LPP: variants seen among roughly 807,000 people sequenced by gnomAD.
LPP encodes the protein LIM domain containing preferred translocation partner in lipoma, also known as lipoma-preferred partner.
LPP carries 38 observed loss-of-function variants against 60.4 expected under a neutral mutation model. The observed-to-expected ratio is 0.63, with a 90% CI of 0.49 to 0.83. The LOEUF is 0.83. Among genes scored for constraint, LPP ranks in the 40% least tolerant of loss-of-function variants. The pLI is 0.00. For synonymous variants in LPP, 328 were observed against 290.8 expected, an observed-to-expected ratio of 1.13 and a Z score of -1.30; for missense variants, 902 against 783.6, an observed-to-expected ratio of 1.15 and a Z score of -1.80.
rs759757710 is a variant in LPP, at chr3:188,406,093, T to C, written c.-9-19T>C. 1.3e-6 allele frequency: 2 copies of C among 1,594,940 alleles called. No individual in the cohort carries two copies. Among genetic ancestry groups the C allele is most frequent in the Admixed American group, 3.5e-5 (2 of 57,514 alleles). ...CGTTTTCATGCTTCCATAAAAACAG[T>C]GTTTCTTTTTCATTGCAGATTCCAA... On this transcript the variant is annotated intron_variant, in intron 3 of 11. Transcript: ENST00000617246.
Position 188,393,550 on chromosome 3 carries a change from C to T in LPP, c.-9-12562C>T, listed in dbSNP as rs556767788. ...TTCAGTAGGTGATTATATGAGTTAT[C>T]GTCAAAACTGGGACACTTTTGCAAA... is the stretch of plus-strand genomic sequence containing the variant. On this transcript the variant is annotated intron_variant, in intron 3 of 11. Coordinates refer to ENST00000617246, the MANE Select transcript of LPP (RefSeq NM_001375462.1). Among the ~76,000 whole-genome samples, 11 of 152,266 alleles carry T rather than the reference C, an allele frequency of 7.2e-5. No individual in the cohort carries two copies. In the South Asian group the frequency reaches 8.3e-4, roughly 11 times the overall value.
chr3:188,350,997 C>G (rs1203002625), intron 3 of LPP, among the ~76,000 whole-genome samples: 1 of 152,170 alleles, frequency 6.6e-6, no homozygotes, highest in African/African-American at 2.4e-5. Flanking sequence ...TGCTCTTTGG[C>G]TCTGGAATTC....
In LPP at chr3:188,453,422, C is replaced by T. The variant is rs73888486; in HGVS notation, c.194-31170C>T. On this transcript the variant is annotated intron_variant, in intron 4 of 11. Transcript: ENST00000617246. ...GCTCCTTGTATGATACCGACCGGATCCTATCCATGGACAATAACAATCTTG... is the reference window on the plus strand; with the variant it reads ...GCTCCTTGTATGATACCGACCGGATTCTATCCATGGACAATAACAATCTTG... 8.5e-3 allele frequency among the ~76,000 whole-genome samples: 1,295 copies of T among 152,204 alleles called. 12 individuals carry two copies. Among genetic ancestry groups the T allele is most frequent in the African/African-American group, 0.03 (1,248 of 41,524 alleles).
At position 188,334,329 on chromosome 3, in the gene LPP, A is replaced by G. The variant is rs1015596666; in HGVS notation, c.-66-7334A>G. Among the ~76,000 whole-genome samples, 7 of 149,548 alleles carry G rather than the reference A, an allele frequency of 4.7e-5. No individual in the cohort carries two copies. The Admixed American group carries it at 4.7e-4, about 10-fold the overall frequency. On this transcript the variant is annotated intron_variant, in intron 2 of 11. Coordinates refer to ENST00000617246, the MANE Select transcript of LPP (RefSeq NM_001375462.1). ...TGTTATAATTAGTGCTGCAATAAAC[A>G]TGGGAATGCAGATATCTTATTGAAA...
intron 9 of LPP, among the ~76,000 whole-genome samples, chr3:188,811,120 G>A (rs1354175683): frequency 2.6e-5 from 4 of 151,930 alleles, no homozygotes; most frequent in Non-Finnish European, 4.4e-5. Context: ...AATGATTTCA[G>A]TAAATTATTG....
At chr3:188,259,852 A>G (rs757526201) in intron 2 of LPP, among the ~76,000 whole-genome samples, 4 of 152,242 alleles carry the variant, frequency 2.6e-5, no homozygotes, top group Non-Finnish European at 5.9e-5. Context: ...AGGAAGGCTC[A>G]TGTTTAAACT....
intron 1 of LPP, among the ~76,000 whole-genome samples, chr3:188,211,549 A>T (rs1734697138): frequency 6.6e-6 from 1 of 152,094 alleles, no homozygotes; most frequent in South Asian, 2.1e-4. Context: ...CCTTTAATTC[A>T]GTCTGGAGTC....
At chr3:188,606,992 C>G (rs1036338621) in intron 6 of LPP, among the ~76,000 whole-genome samples, 9 of 152,066 alleles carry the variant, frequency 5.9e-5, no homozygotes, top group Non-Finnish European at 1.2e-4. Context: ...GAAAGCAGTT[C>G]AAAATTTGCA....
At chr3:188,536,861 T>A (rs1029994319) in intron 6 of LPP, among the ~76,000 whole-genome samples, 16 of 152,220 alleles carry the variant, frequency 1.1e-4, no homozygotes, top group Non-Finnish European at 1.5e-5. Context: ...ACTGCTTATA[T>A]GAAAATGCTG....
At chr3:188,851,470 T>G (rs1762663913) in intron 9 of LPP, among the ~76,000 whole-genome samples, 1 of 152,250 alleles carries the variant, frequency 6.6e-6, no homozygotes, top group Admixed American at 6.5e-5. Context: ...AAACCACATT[T>G]TCCCCTGTAT....
intron 8 of LPP, among the ~76,000 whole-genome samples, chr3:188,757,889 G>GTTTTTTGTT (rs1553833771): frequency 0.047 from 3,635 of 78,154 alleles, 92 homozygotes; most frequent in Non-Finnish European, 0.055. Flanking sequence ...TGTTTTTTTG[G>GTTTTTTGTT]TTTTTTTTTT....
intron 9 of LPP, among the ~76,000 whole-genome samples, chr3:188,777,519 A>G (rs1214289542): frequency 1.3e-5 from 2 of 152,322 alleles, no homozygotes; most frequent in East Asian, 1.9e-4. Flanking sequence ...AAGTGCCATA[A>G]TGGGTCTATG....
chr3:188,520,400 G>A (rs920988019), intron 5 of LPP, among the ~76,000 whole-genome samples: 9 of 152,132 alleles, frequency 5.9e-5, no homozygotes, highest in African/African-American at 1.2e-4. Context: ...TTTCTGTGCC[G>A]GGCCTTCTCT....
intron 9 of LPP, among the ~76,000 whole-genome samples, chr3:188,805,858 T>C (rs988690139): frequency 6.6e-6 from 1 of 151,956 alleles, no homozygotes; most frequent in African/African-American, 2.4e-5. Context: ...AAATGTGTTA[T>C]TTAATTTTTA....
At chr3:188,671,749 T>A (rs1353671292) in intron 7 of LPP, among the ~76,000 whole-genome samples, 1 of 152,188 alleles carries the variant, frequency 6.6e-6, no homozygotes, top group African/African-American at 2.4e-5. Flanking sequence ...CTGAAAACTA[T>A]GAGTCTGTTT....
chr3:188,189,891 G>T (rs1449481198), intron 1 of LPP, among the ~76,000 whole-genome samples: 2 of 151,968 alleles, frequency 1.3e-5, no homozygotes, highest in African/African-American at 4.8e-5. Context: ...CAAGCGAAGA[G>T]GGGTGATTGA....
At chr3:188,593,431 AT>A (rs1001733082) in intron 6 of LPP, among the ~76,000 whole-genome samples, 7 of 151,818 alleles carry the variant, frequency 4.6e-5, no homozygotes, top group East Asian at 1.9e-4. Context: ...CTCTTTGATA[AT>A]TTTTTTCTTT....
intron 9 of LPP, among the ~76,000 whole-genome samples, chr3:188,829,578 A>G (rs1041292703): frequency 6.6e-6 from 1 of 152,342 alleles, no homozygotes; most frequent in South Asian, 2.1e-4. Flanking sequence ...CAAACTTCAG[A>G]TATTACCAGT....
intron 4 of LPP, among the ~76,000 whole-genome samples, chr3:188,479,543 G>T (rs1804180604): frequency 6.6e-6 from 1 of 152,170 alleles, no homozygotes; most frequent in Admixed American, 6.5e-5. Context: ...TTATTTTTCA[G>T]TCATGCGACC....
Sources: allele counts gnomAD v4.1 joint callset (sites outside exome capture counted in the v4.1 genomes callset), GRCh38; gene constraint gnomAD v4.1.1; transcripts MANE v1.5; gene names NCBI Gene and HGNC (gene_info 2026-07-23, HGNC 2026-07-21).